The following DGKB variants were observed in gnomAD, a reference collection of about 807,000 sequenced individuals.
The protein encoded by DGKB is diacylglycerol kinase beta, also known as 90 kDa diacylglycerol kinase.
Under a neutral mutation model 114.3 loss-of-function variants are expected in DGKB, and 67 were observed. The ratio of observed to expected loss-of-function variants is 0.59; its 90% confidence interval spans 0.48 to 0.72. The LOEUF (loss-of-function observed/expected upper bound fraction) is 0.72, where lower values mean the gene tolerates loss of function less well. DGKB is among the 30% of genes least tolerant of loss of function. The probability of loss-of-function intolerance (pLI) is 0.00; values close to 1 mark genes in which losing one functional copy is unlikely to be tolerated. For synonymous variants in DGKB, 398 were observed against 323.1 expected, an observed-to-expected ratio of 1.23 and a Z score of -2.49; for missense variants, 907 against 975.2, an observed-to-expected ratio of 0.93 and a Z score of 0.93.
At chr7:14,543,073 T>C (rs1444840642) in intron 20 of DGKB, among the ~76,000 whole-genome samples, 1 of 152,184 alleles carries the variant, frequency 6.6e-6, no homozygotes. Context: ...TGAAAACTGT[T>C]AGAAATTGAA....
intron 2 of DGKB, among the ~76,000 whole-genome samples, chr7:14,762,720 G>T (rs542840688): frequency 6.6e-6 from 1 of 152,080 alleles, no homozygotes; most frequent in Admixed American, 6.6e-5. Context: ...AATCTCAAAG[G>T]CCCCATGAAG....
At chr7:14,615,409 A>G (rs1432801754) in intron 15 of DGKB, among the ~76,000 whole-genome samples, 1 of 151,908 alleles carries the variant, frequency 6.6e-6, no homozygotes, top group African/African-American at 2.4e-5. Flanking sequence ...ATTTATAGAC[A>G]TCACTATAAA....
At chr7:14,915,753 T>C (rs1784210570) in intron 1 of DGKB, among the ~76,000 whole-genome samples, 1 of 152,046 alleles carries the variant, frequency 6.6e-6, no homozygotes, top group Non-Finnish European at 1.5e-5. Flanking sequence ...AAATAAAGAC[T>C]GTCTCAGAAA....
At chr7:14,877,023 C>A (rs558611572) in intron 1 of DGKB, among the ~76,000 whole-genome samples, 2 of 152,054 alleles carry the variant, frequency 1.3e-5, no homozygotes, top group East Asian at 1.9e-4. Flanking sequence ...TTTAGTGCTA[C>A]GAAGAAGCAC....
intron 23 of DGKB, among the ~76,000 whole-genome samples, chr7:14,244,657 G>A (rs1188733355): frequency 7.8e-6 from 1 of 128,778 alleles, no homozygotes. Context: ...GTGACAGAGT[G>A]AGACTCTGTC....
intron 20 of DGKB, among the ~76,000 whole-genome samples, chr7:14,569,903 A>G (rs1412854328): frequency 1.3e-5 from 2 of 151,626 alleles, no homozygotes; most frequent in Non-Finnish European, 2.9e-5. Context: ...TTCTTTATAT[A>G]GGTCATGTGT....
intron 1 of DGKB, among the ~76,000 whole-genome samples, chr7:14,892,476 C>A (rs1188803267): frequency 6.6e-6 from 1 of 150,598 alleles, no homozygotes; most frequent in Non-Finnish European, 1.5e-5. Context: ...GTAATCAAGG[C>A]AAAATGAAAA....
intron 17 of DGKB, among the ~76,000 whole-genome samples, chr7:14,596,817 A>G (rs898465919): frequency 6.6e-6 from 1 of 152,196 alleles, no homozygotes; most frequent in African/African-American, 2.4e-5. Flanking sequence ...TTCCATTGAT[A>G]TATTTGCCTC....
At chr7:14,667,814 T>A (rs1818297805) in intron 13 of DGKB, among the ~76,000 whole-genome samples, 1 of 152,102 alleles carries the variant, frequency 6.6e-6, no homozygotes, top group Non-Finnish European at 1.5e-5. Context: ...GTCAATATTT[T>A]TATTCCGTGA....
intron 20 of DGKB, among the ~76,000 whole-genome samples, chr7:14,540,856 A>T (rs1793308749): frequency 6.6e-6 from 1 of 152,178 alleles, no homozygotes; most frequent in South Asian, 2.1e-4. Flanking sequence ...ACATGTTCTG[A>T]GACAAACTGA....
chr7:14,581,481 G>A (rs62443554), intron 18 of DGKB, among the ~76,000 whole-genome samples: 1,775 of 152,182 alleles, frequency 0.012, 20 homozygotes, highest in Non-Finnish European at 0.016. Context: ...CAGAGCAAAT[G>A]GAACACAACG....
rs117657516 is a variant in DGKB, at chr7:14,266,897, G to C, written c.2122+71618C>G. On this transcript the variant is annotated intron_variant, in intron 23 of 25. Coordinates refer to ENST00000402815, the MANE Select transcript of DGKB (RefSeq NM_001350709.2). ...GTTAAAATACGTTAATACTTAAGCA[G>C]ACTGATGTACATAACTGTAACAGGT... Among the ~76,000 whole-genome samples, 294 of 152,284 alleles carry C rather than the reference G, an allele frequency of 1.9e-3. 2 individuals are homozygous for C. The highest frequency in any genetic ancestry group is 3.5e-3 in the Non-Finnish European group (235 of 68,032).
intron 15 of DGKB, among the ~76,000 whole-genome samples, chr7:14,618,121 C>CAT (rs539567173): frequency 2.3e-5 from 3 of 132,818 alleles, no homozygotes; most frequent in African/African-American, 6.7e-5. Context: ...AAAGGACATA[C>CAT]ACACACACAC....
In DGKB at chr7:14,469,738, C is replaced by A. The variant is rs78393982; in HGVS notation, c.1835+8423G>T. Among the ~76,000 whole-genome samples, 646 of 151,934 alleles carry A rather than the reference C, an allele frequency of 4.3e-3. 3 individuals carry two copies. The highest frequency in any genetic ancestry group is 0.015 in the African/African-American group (631 of 41,474). On this transcript the variant is annotated intron_variant, in intron 21 of 25. Transcript: ENST00000402815. ...AAGTATTTAAGCAAGTCTCAACATACAAATAAAAATATATGAATCGAGGAG... is the reference window on the plus strand; with the variant it reads ...AAGTATTTAAGCAAGTCTCAACATAAAAATAAAAATATATGAATCGAGGAG...
intron 6 of DGKB, among the ~76,000 whole-genome samples, chr7:14,710,005 A>G (rs984031299): frequency 7.9e-5 from 12 of 151,884 alleles, no homozygotes; most frequent in African/African-American, 2.9e-4. Flanking sequence ...AAAAAAGAAA[A>G]TGTTTGCCAA....
At chr7:14,741,882 G>C (rs890484327) in intron 4 of DGKB, among the ~76,000 whole-genome samples, 9 of 152,150 alleles carry the variant, frequency 5.9e-5, no homozygotes, top group Non-Finnish European at 1.3e-4. Context: ...GAACGCTCAA[G>C]TTAATTAAAA....
chr7:14,290,027 G>C (rs76125809), intron 23 of DGKB, among the ~76,000 whole-genome samples: 1,822 of 152,184 alleles, frequency 0.012, 36 homozygotes, highest in African/African-American at 0.041. Flanking sequence ...AATATATGTA[G>C]CAAGTCTACA....
intron 13 of DGKB, among the ~76,000 whole-genome samples, chr7:14,664,505 T>C (rs1004947263): frequency 6.6e-6 from 1 of 152,048 alleles, no homozygotes; most frequent in Non-Finnish European, 1.5e-5. Context: ...CAGGAAGCCA[T>C]TATCTTGGAC....
At chr7:14,956,993 T>C (rs1438593119) in intron 1 of DGKB, among the ~76,000 whole-genome samples, 1 of 151,962 alleles carries the variant, frequency 6.6e-6, no homozygotes, top group Non-Finnish European at 1.5e-5. Flanking sequence ...AATTTTCACT[T>C]AAAGCCTGTC....
Sources: gnomAD v4.1 joint callset for allele counts (sites outside exome capture counted in the v4.1 genomes callset) on GRCh38, gnomAD v4.1.1 for gene constraint, MANE v1.5 for transcripts, NCBI Gene and HGNC (gene_info 2026-07-23, HGNC 2026-07-21) for gene names.